MCPH1: variants seen among roughly 807,000 people sequenced by gnomAD.
MCPH1 encodes the protein microcephalin 1, also known as microcephalin.
In MCPH1, 104 loss-of-function variants were observed where a neutral mutation model predicts 84.5. The observed-to-expected ratio is 1.23, with a 90% confidence interval of 1.05 to 1.45. The LOEUF is 1.45. MCPH1 is among the 40% of genes most tolerant of loss of function. The pLI, the probability that MCPH1 is intolerant of heterozygous loss-of-function variation, is 0.00. For missense variants in MCPH1, 1,498 were observed against 1,005.7 expected (o/e 1.49, Z -6.62); for synonymous variants, 514 against 366.8 (o/e 1.40, Z -4.58).
chr8:6,626,124 T>G (rs1832051034), intron 13 of MCPH1: 3 of 985,398 alleles, frequency 3.0e-6, no homozygotes, highest in Middle Eastern at 5.2e-4. Context: ...TTGTTAGTGA[T>G]TATTTTACTT....
chr8:6,592,589 G>C (rs1231601255), intron 12 of MCPH1, among the ~76,000 whole-genome samples: 1 of 139,768 alleles, frequency 7.2e-6, no homozygotes, highest in Non-Finnish European at 1.5e-5. Context: ...GATTTTTAAA[G>C]TCATCTAGGC....
Position 6,562,754 on chromosome 8 carries a change from C to G in MCPH1, c.2215-58700C>G, listed in dbSNP as rs370008214. 62 of 1,613,598 alleles carry G rather than the reference C, an allele frequency of 3.8e-5. 1 individual carries two copies. The highest frequency in any genetic ancestry group is 4.9e-5 in the Non-Finnish European group (58 of 1,179,976). ...GCGTCCCTCTGCACAGCATTGGACA[C>G]GTAGGGGCTGGAGGAAGAGCGGCAG... On this transcript the variant is annotated intron_variant, in intron 12 of 13. Coordinates refer to ENST00000344683, the MANE Select transcript of MCPH1 (RefSeq NM_024596.5).
At chr8:6,542,007 CAAAA>C (rs764731302) in intron 12 of MCPH1, among the ~76,000 whole-genome samples, 2 of 57,232 alleles carry the variant, frequency 3.5e-5, no homozygotes, top group African/African-American at 6.1e-5. Flanking sequence ...GACTCAATCT[CAAAA>C]AAAAAAAAAA....
At chr8:6,578,618 T>C (rs1827303279) in intron 12 of MCPH1, among the ~76,000 whole-genome samples, 2 of 152,154 alleles carry the variant, frequency 1.3e-5, no homozygotes, top group African/African-American at 2.4e-5. Flanking sequence ...TTGGAGAAAA[T>C]AGAAGAACTA....
At position 6,550,940 on chromosome 8, in the gene MCPH1, C is replaced by T. The variant is rs907168511; in HGVS notation, c.2214+51011C>T. 4.6e-5 allele frequency among the ~76,000 whole-genome samples: 7 copies of T among 152,008 alleles called. No individual in the cohort carries two copies. The East Asian group carries it at 1.4e-3, about 29-fold the overall frequency. On this transcript the variant is annotated intron_variant, in intron 12 of 13. Coordinates refer to ENST00000344683, the MANE Select transcript of MCPH1 (RefSeq NM_024596.5). ...AGGAGCCCAAGGGGAAGGAGTGCCT[C>T]TCTCTGTTTTGACCTTCTCTGACTG...
chr8:6,415,561 C>G (rs1284475542), intron 3 of MCPH1, among the ~76,000 whole-genome samples: 1 of 151,936 alleles, frequency 6.6e-6, no homozygotes, highest in African/African-American at 2.4e-5. Flanking sequence ...ATCATGTTGG[C>G]CAGGCTGGTT....
At chr8:6,575,189 G>A (rs928426215) in intron 12 of MCPH1, among the ~76,000 whole-genome samples, 4 of 152,192 alleles carry the variant, frequency 2.6e-5, no homozygotes, top group African/African-American at 7.2e-5. Context: ...GAAGCAGCAG[G>A]AAGACCTATT....
At chr8:6,519,991 G>A in intron 12 of MCPH1, 1 of 1,613,288 alleles carries the variant, frequency 6.2e-7, no homozygotes, top group Non-Finnish European at 8.5e-7. Flanking sequence ...GGGGTCCTTA[G>A]CTGCTTTTAA....
rs374314309 is a variant in MCPH1 at position 6,444,922 on chromosome 8, T to A, written c.1200T>A (p.Pro400=). 1 of 1,614,060 alleles carries A rather than the reference T, an allele frequency of 6.2e-7. No individual in the cohort carries two copies. The highest frequency in any genetic ancestry group is 8.5e-7 in the Non-Finnish European group (1 of 1,180,010). ...ACAGGCTGCAGCACGTGGCGGGACC[T>A]GCCCTGGAGGCTCTTAGCTGTGGGG... ...SEDRLQHVAG[P]ALEALSCGES... Residue 400 remains proline, a synonymous_variant, in exon 8 of 14, where the codon CCT becomes CCA. Transcript: ENST00000344683.
intron 12 of MCPH1, among the ~76,000 whole-genome samples, chr8:6,555,465 CTT>C (rs530250678): frequency 2.7e-4 from 39 of 142,372 alleles, no homozygotes; most frequent in Admixed American, 3.5e-4. Flanking sequence ...GTGGTTTGCC[CTT>C]TTTTTTTTTT....
intron 6 of MCPH1, among the ~76,000 whole-genome samples, chr8:6,440,166 G>T (rs1054383218): frequency 6.6e-6 from 1 of 152,038 alleles, no homozygotes; most frequent in African/African-American, 2.4e-5. Flanking sequence ...TCTATTGGTG[G>T]GTATTTTTTT....
chr8:6,438,609 A>G (rs767957961), intron 5 of MCPH1, among the ~76,000 whole-genome samples: 7 of 152,238 alleles, frequency 4.6e-5, no homozygotes, highest in African/African-American at 1.4e-4. Context: ...CAGAAACTAA[A>G]TTGCATTCCA....
chr8:6,423,246 G>A (rs1436379077), intron 3 of MCPH1, among the ~76,000 whole-genome samples: 1 of 138,044 alleles, frequency 7.2e-6, no homozygotes, highest in Non-Finnish European at 1.5e-5. Flanking sequence ...CTGGAGTGCA[G>A]TGGTGCAATC....
intron 4 of MCPH1, among the ~76,000 whole-genome samples, chr8:6,434,954 G>T (rs1208424130): frequency 6.6e-6 from 1 of 152,182 alleles, no homozygotes; most frequent in Non-Finnish European, 1.5e-5. Context: ...GGAAGTCAAT[G>T]GGCAGTTCCA....
At chr8:6,406,961 G>C (rs1475632204) in intron 1 of MCPH1, 1 of 503,884 alleles carries the variant, frequency 2.0e-6, no homozygotes, top group Non-Finnish European at 3.5e-6. Context: ...ACCCCCGACT[G>C]CCTGCTTCCT....
intron 9 of MCPH1, among the ~76,000 whole-genome samples, chr8:6,462,750 C>T (rs773464472): frequency 2.0e-5 from 3 of 152,154 alleles, no homozygotes; most frequent in Non-Finnish European, 4.4e-5. Flanking sequence ...ATAATAGTAC[C>T]AGTCTCCTCA....
In MCPH1 at chr8:6,645,351, A is replaced by T. The variant is rs962146143; in HGVS notation, c.*2302A>T. 2.0e-5 allele frequency: 3 copies of T among 152,136 alleles called. No homozygotes were observed. Among genetic ancestry groups the T allele is most frequent in the African/African-American group, 7.2e-5 (3 of 41,428 alleles). The allele number at this position is 152,136 out of a possible 1,614,324, so 9.4% of individuals were successfully genotyped here. A position where few individuals can be genotyped will look rare whatever the true frequency, so the allele number is the denominator to read the frequency against. Reference sequence around the variant, plus strand: ...TGTACTTCATTTTACCCTTTCAACAATCCTATTAGTAGCTTACTGTGGGTC... The same window carrying T: ...TGTACTTCATTTTACCCTTTCAACATTCCTATTAGTAGCTTACTGTGGGTC... On this transcript the variant is annotated 3_prime_UTR_variant, in exon 14 of 14. Transcript: ENST00000344683.
intron 12 of MCPH1, among the ~76,000 whole-genome samples, chr8:6,556,534 C>T (rs1824638191): frequency 6.6e-6 from 1 of 152,148 alleles, no homozygotes; most frequent in South Asian, 2.1e-4. Context: ...TTCTGTGCAG[C>T]ACATACTAGC....
chr8:6,504,979 C>A (rs1381991309), intron 12 of MCPH1, among the ~76,000 whole-genome samples: 1 of 151,562 alleles, frequency 6.6e-6, no homozygotes, highest in Non-Finnish European at 1.5e-5. Flanking sequence ...GTTGGAGGAA[C>A]ACATACAGTA....
Sources: gnomAD v4.1 joint callset for allele counts (sites outside exome capture counted in the v4.1 genomes callset) on GRCh38, gnomAD v4.1.1 for gene constraint, MANE v1.5 for transcripts, NCBI Gene and HGNC (gene_info 2026-07-23, HGNC 2026-07-21) for gene names.